The following POLK variants were observed in gnomAD, a reference collection of about 807,000 sequenced individuals.
POLK encodes polymerase (DNA directed) kappa.
A neutral mutation model predicts 94.0 loss-of-function variants in POLK; 76 were observed. The ratio of observed to expected loss-of-function variants is 0.81; its 90% CI spans 0.67 to 0.98. The LOEUF is 0.98. Among genes scored for constraint, POLK ranks in the 50% least tolerant of loss-of-function variants. The pLI, the probability that POLK is intolerant of heterozygous loss-of-function variation, is 0.00. For synonymous variants in POLK, 349 were observed against 325.4 expected (o/e 1.07, Z -0.78); for missense variants, 954 against 1,010.1 (o/e 0.94, Z 0.75).
chr5:75,535,815 T>C (rs1410659479), intron 1 of POLK, among the ~76,000 whole-genome samples: 1 of 152,248 alleles, frequency 6.6e-6, no homozygotes, highest in Non-Finnish European at 1.5e-5. Flanking sequence ...AGTTTGGTTC[T>C]TTCATATAAT....
At chr5:75,589,712 T>G (rs1372227232) in intron 10 of POLK, among the ~76,000 whole-genome samples, 1 of 152,222 alleles carries the variant, frequency 6.6e-6, no homozygotes, top group African/African-American at 2.4e-5. Context: ...GAAAGGGGAC[T>G]CTTTACTGAA....
At chr5:75,572,252 G>A (rs1412438851) in intron 4 of POLK, among the ~76,000 whole-genome samples, 3 of 152,102 alleles carry the variant, frequency 2.0e-5, no homozygotes, top group East Asian at 3.8e-4. Flanking sequence ...TCATACTTTT[G>A]TAGTTCCATC....
intron 3 of POLK, among the ~76,000 whole-genome samples, chr5:75,565,324 A>G (rs1029026741): frequency 4.6e-5 from 7 of 152,138 alleles, no homozygotes; most frequent in African/African-American, 1.2e-4. Flanking sequence ...TTGGGTTAGA[A>G]TATGCTCCTT....
At chr5:75,609,591 A>C in the POLK span, 1 of 152,212 alleles carries the variant, frequency 6.6e-6, no homozygotes, top group Non-Finnish European at 1.5e-5. Context: ...AACATGCTAC[A>C]TATACATATA....
At chr5:75,514,494 A>G (rs1053424044) in intron 1 of POLK, among the ~76,000 whole-genome samples, 2 of 152,248 alleles carry the variant, frequency 1.3e-5, no homozygotes, top group Non-Finnish European at 2.9e-5. Flanking sequence ...AAAGGCCTAC[A>G]AAATGTCAAA....
At chr5:75,592,756 C>G (rs964729236) in intron 11 of POLK, among the ~76,000 whole-genome samples, 14 of 151,034 alleles carry the variant, frequency 9.3e-5, no homozygotes, top group African/African-American at 3.4e-4. Flanking sequence ...AAATTACTGG[C>G]TAAAATGGGA....
At chr5:75,603,095 A>G (rs923612976), downstream of POLK, among the ~76,000 whole-genome samples, 1 of 152,248 alleles carries the variant, frequency 6.6e-6, no homozygotes, top group Non-Finnish European at 1.5e-5. Flanking sequence ...CTGTAAGTTA[A>G]AGGCAAGAGA....
intron 5 of POLK, 116 bp from the exon 6 acceptor site, chr5:75,576,664 G>A (rs1160699323): frequency 2.2e-6 from 1 of 461,332 alleles, no homozygotes; most frequent in Non-Finnish European, 3.9e-6. Flanking sequence ...ACTATTGACT[G>A]CAGGATTGTT....
At chr5:75,536,571 G>A (rs1769454505) in intron 1 of POLK, among the ~76,000 whole-genome samples, 1 of 151,956 alleles carries the variant, frequency 6.6e-6, no homozygotes. Flanking sequence ...AGCTCTAGCA[G>A]GCATGGCTCA....
rs747127083 is a variant in POLK, at chr5:75,552,523, C to T, written c.187C>T (p.Arg63Ter). Reference sequence around the variant, plus strand: ...CAAGAAAGAAAAGCAAGTCAACCAACGAATTGAAAATATGATGCAACAAAA... The same window carrying T: ...CAAGAAAGAAAAGCAAGTCAACCAATGAATTGAAAATATGATGCAACAAAA... The change falls in exon 3 of 15, where the codon CGA becomes TGA. Residue 63 changes from arginine (R) to a stop codon, truncating the protein, a stop_gained. Transcript: ENST00000241436. LOFTEE classifies it high-confidence loss of function. 6 of 1,612,348 alleles carry T rather than the reference C, an allele frequency of 3.7e-6. No homozygotes were observed. The highest frequency in any genetic ancestry group is 2.2e-5 in the South Asian group (2 of 90,910).
chr5:75,524,254 G>A (rs755194488), intron 1 of POLK, among the ~76,000 whole-genome samples: 1 of 152,198 alleles, frequency 6.6e-6, no homozygotes, highest in Non-Finnish European at 1.5e-5. Context: ...TTGAAGGTAG[G>A]GGTGGACAGT....
At chr5:75,519,087 A>C (rs1430419404) in intron 1 of POLK, among the ~76,000 whole-genome samples, 1 of 152,136 alleles carries the variant, frequency 6.6e-6, no homozygotes, top group Non-Finnish European at 1.5e-5. Flanking sequence ...TGACCTCTCA[A>C]AGTGCTGGGA....
intron 3 of POLK, among the ~76,000 whole-genome samples, chr5:75,555,990 G>C (rs577380337): frequency 2.0e-5 from 3 of 152,188 alleles, no homozygotes; most frequent in African/African-American, 7.2e-5. Context: ...CTTATGTGTA[G>C]ACATAAGTTT....
At chr5:75,574,479 G>T (rs573353704) in intron 5 of POLK, among the ~76,000 whole-genome samples, 3 of 152,120 alleles carry the variant, frequency 2.0e-5, no homozygotes, top group African/African-American at 7.2e-5. Flanking sequence ...ATGACAACTG[G>T]TCTATCATGC....
chr5:75,573,284 G>C (rs1771692494), intron 4 of POLK, among the ~76,000 whole-genome samples: 1 of 151,972 alleles, frequency 6.6e-6, no homozygotes, highest in Non-Finnish European at 1.5e-5. Context: ...AACACCACAT[G>C]TTCTCACTCA....
Position 75,552,589 on chromosome 5 carries a change from C to A in POLK, c.253C>A (p.Gln85Lys), listed in dbSNP as rs138420949. The change falls in exon 3 of 15, where the codon CAG (glutamine) becomes AAG (lysine). Residue 85 changes from glutamine (Q) to lysine (K), a missense_variant and splice_region_variant. Physicochemically the swap from Gln to Lys is moderately conservative, Grantham distance 53. Transcript: ENST00000241436. Reference sequence around the variant, plus strand: ...CCAACAGCTAAGAAAAGCACAATTACAGGTATTAATTAAATTGTTAAATAA... The same window carrying A: ...CCAACAGCTAAGAAAAGCACAATTAAAGGTATTAATTAAATTGTTAAATAA... The A allele has an allele frequency of 3.7e-6, 6 of 1,601,188 alleles. No individual in the cohort carries two copies. Among genetic ancestry groups the A allele is most frequent in the Middle Eastern group, 1.7e-4 (1 of 6,004 alleles).
upstream of POLK, chr5:75,511,472 G>C (rs1767997793): frequency 6.6e-7 from 1 of 1,511,624 alleles, no homozygotes. Flanking sequence ...TGACCCCTGC[G>C]TTGCGCCCGG....
At chr5:75,572,403 A>G (rs1222806429) in intron 4 of POLK, among the ~76,000 whole-genome samples, 3 of 152,164 alleles carry the variant, frequency 2.0e-5, no homozygotes, top group African/African-American at 7.2e-5. Context: ...TTTGTTCTAG[A>G]TGAAAAGTTT....
intron 11 of POLK, among the ~76,000 whole-genome samples, chr5:75,593,442 T>C (rs1772896056): frequency 6.6e-6 from 1 of 152,226 alleles, no homozygotes; most frequent in South Asian, 2.1e-4. Context: ...ATGATATGTT[T>C]ATCACCATGT....
Sources: gnomAD v4.1 joint callset for allele counts (sites outside exome capture counted in the v4.1 genomes callset) on GRCh38, gnomAD v4.1.1 for gene constraint, MANE v1.5 for transcripts, NCBI Gene and HGNC (gene_info 2026-07-23, HGNC 2026-07-21) for gene names.